Variants in CALN1 observed in about 807,000 individuals in gnomAD.
CALN1 encodes the protein calneuron 1, also known as calcium-binding protein 8.
CALN1 carries 17 observed loss-of-function variants against 30.6 expected under a neutral mutation model. The observed-to-expected ratio is 0.56, with a 90% CI of 0.38 to 0.83. CALN1 has a LOEUF of 0.83. Ranked by LOEUF, CALN1 falls within the 40% of genes least tolerant of loss-of-function variation. The pLI, the probability that CALN1 is intolerant of heterozygous loss-of-function variation, is 0.00. For synonymous variants in CALN1, 156 were observed against 131.4 expected (o/e 1.19, Z -1.28); for missense variants, 291 against 354.9 (o/e 0.82, Z 1.45).
At chr7:72,407,535 T>C (rs373802082) in intron 1 of CALN1, among the ~76,000 whole-genome samples, 4 of 152,336 alleles carry the variant, frequency 2.6e-5, no homozygotes, top group East Asian at 3.9e-4. Flanking sequence ...CCCTCCTCTC[T>C]TCTCCTCCTG....
intron 3 of CALN1, among the ~76,000 whole-genome samples, chr7:72,198,642 A>T (rs1382323349): frequency 1.3e-5 from 2 of 152,122 alleles, no homozygotes; most frequent in Non-Finnish European, 2.9e-5. Context: ...ACCAACTGTG[A>T]CATTTATAGC....
chr7:72,271,450 G>A (rs1394417276), intron 3 of CALN1, among the ~76,000 whole-genome samples: 1 of 149,792 alleles, frequency 6.7e-6, no homozygotes, highest in Non-Finnish European at 1.5e-5. Flanking sequence ...CTGAGGGAGT[G>A]CCATGGCACA....
chr7:72,336,795 T>G, intron 2 of CALN1: 3 of 984,280 alleles, frequency 3.0e-6, no homozygotes, highest in Non-Finnish European at 3.6e-6. Context: ...GAGGGGGCGG[T>G]GCGGAATGGA....
At chr7:71,983,955 G>A (rs990199546) in intron 5 of CALN1, among the ~76,000 whole-genome samples, 7 of 151,748 alleles carry the variant, frequency 4.6e-5, no homozygotes, top group African/African-American at 9.7e-5. Context: ...AATTATGATC[G>A]AAAAAAACAG....
At chr7:72,208,985 C>G (rs1239917139) in intron 3 of CALN1, among the ~76,000 whole-genome samples, 1 of 95,752 alleles carries the variant, frequency 1.0e-5, no homozygotes. Flanking sequence ...CCTTTTCCTA[C>G]TTCCTTCCTT....
chr7:71,793,267 T>C (rs1341004701), intron 6 of CALN1, among the ~76,000 whole-genome samples: 2 of 151,940 alleles, frequency 1.3e-5, no homozygotes, highest in Non-Finnish European at 2.9e-5. Flanking sequence ...AACTGCGCCA[T>C]TGCACTGCAG....
intron 4 of CALN1, among the ~76,000 whole-genome samples, chr7:72,032,216 G>T (rs934929831): frequency 6.6e-6 from 1 of 151,640 alleles, no homozygotes; most frequent in Non-Finnish European, 1.5e-5. Context: ...CCACCACTGC[G>T]CCCAGCTAAT....
chr7:71,858,939 C>A (rs756825789), intron 5 of CALN1, among the ~76,000 whole-genome samples: 4 of 152,214 alleles, frequency 2.6e-5, no homozygotes, highest in Non-Finnish European at 5.9e-5. Flanking sequence ...AATAAACTTT[C>A]TAAATTGACT....
Position 72,356,271 on chromosome 7 carries a change from T to C in CALN1, c.119+46980A>G, listed in dbSNP as rs142354113. On this transcript the variant is annotated intron_variant, in intron 2 of 6. Coordinates refer to ENST00000395275, the MANE Select transcript of CALN1 (RefSeq NM_031468.4). ...TAAGGAGCACTGGAAATACCAAATA[T>C]GTAGGTAAATCTGAATAACTATTGT... is the stretch of plus-strand genomic sequence containing the variant. 2.1e-3 allele frequency among the ~76,000 whole-genome samples: 313 copies of C among 150,276 alleles called. 4 individuals are homozygous for C. The highest frequency in any genetic ancestry group is 7.0e-3 in the African/African-American group (277 of 39,624).
chr7:71,953,568 C>G (rs1172905472), intron 5 of CALN1, among the ~76,000 whole-genome samples: 1 of 152,126 alleles, frequency 6.6e-6, no homozygotes, highest in Admixed American at 6.5e-5. Flanking sequence ...TTTCCGCATT[C>G]TAAGGTGCTT....
chr7:72,106,318 T>C (rs1167523902), intron 3 of CALN1, 24 bp from the exon 4 acceptor site: 1 of 1,613,020 alleles, frequency 6.2e-7, no homozygotes, highest in East Asian at 2.2e-5. Flanking sequence ...GCAAAGAAAG[T>C]CCAGTGGTCA....
At chr7:72,115,090 T>C (rs1253835419) in intron 3 of CALN1, among the ~76,000 whole-genome samples, 3 of 148,196 alleles carry the variant, frequency 2.0e-5, no homozygotes, top group Non-Finnish European at 1.5e-5. Context: ...ATATGGACAT[T>C]ATACTATATA....
Position 71,787,685 on chromosome 7 carries a change from G to A in CALN1, c.*90C>T, listed in dbSNP as rs574140528. 4 of 1,544,098 alleles carry A rather than the reference G, an allele frequency of 2.6e-6. No homozygotes were observed. Among genetic ancestry groups the A allele is most frequent in the Non-Finnish European group, 3.5e-6 (4 of 1,141,308 alleles). On this transcript the variant is annotated 3_prime_UTR_variant, in exon 7 of 7. Transcript: ENST00000395275. ...CGTCCGCATCCATCCATAGTCCATA[G>A]GTCCGTGTCTGCTGTGTGGAGGAAG... is the stretch of plus-strand genomic sequence containing the variant.
chr7:72,195,439 G>A (rs955953934), intron 3 of CALN1, among the ~76,000 whole-genome samples: 1 of 152,200 alleles, frequency 6.6e-6, no homozygotes, highest in South Asian at 2.1e-4. Context: ...GTGCGGTGAT[G>A]CAAGTAGCTC....
intron 4 of CALN1, among the ~76,000 whole-genome samples, chr7:72,025,867 C>T (rs945804930): frequency 6.6e-6 from 1 of 151,978 alleles, no homozygotes; most frequent in Non-Finnish European, 1.5e-5. Context: ...CATCAAGATG[C>T]CAATAATTCA....
chr7:72,419,905 G>A (rs984856652), intron 1 of CALN1, among the ~76,000 whole-genome samples: 8 of 151,922 alleles, frequency 5.3e-5, no homozygotes, highest in Admixed American at 4.6e-4. Context: ...CCCCTTTCCA[G>A]CTCCCTCTCC....
chr7:72,055,764 C>T (rs950184874), intron 4 of CALN1, among the ~76,000 whole-genome samples: 5 of 152,228 alleles, frequency 3.3e-5, no homozygotes, highest in Non-Finnish European at 4.4e-5. Context: ...GTAATGCTAA[C>T]GCTCTGGGGG....
At chr7:72,496,883 A>C in the CALN1 span, among the ~76,000 whole-genome samples, 7 of 152,136 alleles carry the variant, frequency 4.6e-5, no homozygotes, top group Non-Finnish European at 7.4e-5. Context: ...ATTAAGCTAA[A>C]GTTTTATTAG....
intron 4 of CALN1, among the ~76,000 whole-genome samples, chr7:72,056,301 T>A (rs1803252933): frequency 6.6e-6 from 1 of 152,110 alleles, no homozygotes; most frequent in African/African-American, 2.4e-5. Context: ...TAATGCTATA[T>A]CTAGTAATAA....
Sources: gnomAD v4.1 joint callset for allele counts (sites outside exome capture counted in the v4.1 genomes callset) on GRCh38, gnomAD v4.1.1 for gene constraint, MANE v1.5 for transcripts, NCBI Gene and HGNC (gene_info 2026-07-23, HGNC 2026-07-21) for gene names.